COL4A6: variants seen among roughly 807,000 people sequenced by gnomAD.
COL4A6 encodes collagen type IV alpha 6 chain, also known as collagen alpha-6(IV) chain.
COL4A6 carries 59 observed loss-of-function variants against 126.7 expected under a neutral mutation model. The ratio of observed to expected loss-of-function variants is 0.47; its 90% confidence interval spans 0.38 to 0.58. The LOEUF (loss-of-function observed/expected upper bound fraction) is 0.58. Ranked by LOEUF, COL4A6 falls within the 20% of genes least tolerant of loss-of-function variation. COL4A6 has a pLI of 0.00. For missense variants in COL4A6, 1,285 were observed against 1,337.3 expected (o/e 0.96, Z 0.61); for synonymous variants, 547 against 496.6 (o/e 1.10, Z -1.35).
chrX:108,232,283 T>C (rs1192972270), intron 3 of COL4A6, among the ~76,000 whole-genome samples: 1 of 111,963 alleles, frequency 8.9e-6, no homozygotes, highest in Admixed American at 9.5e-5. Context: ...TTCCCTTTTG[T>C]GATATTTAAT....
At chrX:108,373,242 C>G (rs1212041630) in intron 2 of COL4A6, among the ~76,000 whole-genome samples, 1 of 110,914 alleles carries the variant, frequency 9.0e-6, no homozygotes, top group East Asian at 2.8e-4. Context: ...ATTCTTCACA[C>G]AAAGGGAAAA....
intron 3 of COL4A6, among the ~76,000 whole-genome samples, chrX:108,233,165 C>T (rs1340334097): frequency 3.6e-5 from 4 of 112,104 alleles, no homozygotes; most frequent in Non-Finnish European, 7.5e-5. Context: ...TCTAGCAAAA[C>T]ACAGCTATGG....
At chrX:108,244,283 G>T (rs2148329373) in intron 3 of COL4A6, among the ~76,000 whole-genome samples, 1 of 111,327 alleles carries the variant, frequency 9.0e-6, no homozygotes, top group East Asian at 2.8e-4. Context: ...CATCAGAAAA[G>T]AATATATCTA....
chrX:108,183,854 A>T, intron 23 of COL4A6: 1 of 559,972 alleles, frequency 1.8e-6, no homozygotes, highest in South Asian at 1.0e-4. Flanking sequence ...AGCAGCCCAG[A>T]TATGCCCACC....
rs146806729 is a variant in COL4A6 at position 108,330,833 on chromosome X, T to C, written c.64-20005A>G. The stretch of plus-strand genomic sequence containing the variant: ...TCTTATATCATCACAACTATGTCAT[T>C]ACACACTGTGCACAAAGCTAAGATT... On this transcript the variant is annotated intron_variant, in intron 2 of 44. Coordinates refer to ENST00000334504, the MANE Select transcript of COL4A6 (RefSeq NM_033641.4). Among the ~76,000 whole-genome samples the C allele has an allele frequency of 8.9e-3, 995 of 111,487 alleles. 7 individuals carry two copies. The highest frequency in any genetic ancestry group is 0.015 in the Non-Finnish European group (776 of 53,012).
rs2033721080 is a variant in COL4A6, at chrX:108,155,937, T to C, written c.*1063A>G. ...AAGAGTGTGCTAGATTTTTATGAGG[T>C]TTAAAAAAACATATTAAAATAGTTT... On this transcript the variant is annotated 3_prime_UTR_variant, in exon 45 of 45. Coordinates refer to ENST00000334504, the MANE Select transcript of COL4A6 (RefSeq NM_033641.4). 8.9e-6 allele frequency: 1 copy of C among 111,770 alleles called. No individual in the cohort carries two copies. Among genetic ancestry groups the C allele is most frequent in the African/African-American group, 3.3e-5 (1 of 30,704 alleles). 9.2% of individuals were successfully genotyped at this position (111,770 alleles called of 1,213,427 possible). A position where few individuals can be genotyped will look rare whatever the true frequency, so the allele number is the denominator to read the frequency against.
At chrX:108,331,261 G>C (rs754728288) in intron 2 of COL4A6, among the ~76,000 whole-genome samples, 26 of 111,801 alleles carry the variant, frequency 2.3e-4, no homozygotes, top group Non-Finnish European at 4.1e-4. Flanking sequence ...TTGTGTGTGT[G>C]TATGTACACT....
At chrX:108,191,631 A>G in intron 18 of COL4A6, 98 bp from the exon 19 acceptor site, 1 of 1,005,699 alleles carries the variant, frequency 9.9e-7, no homozygotes, top group Non-Finnish European at 1.3e-6. Flanking sequence ...CCAAGGAAGA[A>G]TTTAGGGAAG....
chrX:108,360,780 C>G (rs766329820), intron 2 of COL4A6, among the ~76,000 whole-genome samples: 116 of 110,916 alleles, frequency 1.0e-3, no homozygotes, highest in African/African-American at 3.3e-3. Flanking sequence ...TCGTGATCTG[C>G]CCACCTCGGC....
intron 23 of COL4A6, among the ~76,000 whole-genome samples, chrX:108,183,516 G>A (rs2034750842): frequency 9.0e-6 from 1 of 111,468 alleles, no homozygotes; most frequent in Admixed American, 9.6e-5. Context: ...ATCCCGTACT[G>A]CCTGCTGTAA....
chrX:108,429,954 C>G (rs780849457), intron 2 of COL4A6, among the ~76,000 whole-genome samples: 9 of 111,729 alleles, frequency 8.1e-5, no homozygotes, highest in Non-Finnish European at 1.1e-4. Flanking sequence ...AAAGTCATCT[C>G]TTGATCACCT....
intron 3 of COL4A6, among the ~76,000 whole-genome samples, chrX:108,225,772 G>A (rs2036150769): frequency 8.9e-6 from 1 of 112,725 alleles, no homozygotes; most frequent in Non-Finnish European, 1.9e-5. Flanking sequence ...TGGTGGAGGG[G>A]GCTGACTTTT....
At chrX:108,318,359 G>A (rs899355888) in intron 2 of COL4A6, among the ~76,000 whole-genome samples, 1 of 111,396 alleles carries the variant, frequency 9.0e-6, no homozygotes, top group African/African-American at 3.3e-5. Context: ...ACATAGTGTT[G>A]GAAGTTCTGG....
At chrX:108,403,272 CTCTCTCTCTCA>C (rs2041133534) in intron 2 of COL4A6, among the ~76,000 whole-genome samples, 7 of 56,677 alleles carry the variant, frequency 1.2e-4, no homozygotes, top group East Asian at 3.7e-4. Flanking sequence ...CTCTCTCTCT[CTCTCTCTCTCA>C]TCTTGTTTTG....
At chrX:108,203,703 G>A (rs1336053029) in intron 12 of COL4A6, among the ~76,000 whole-genome samples, 5 of 112,471 alleles carry the variant, frequency 4.4e-5, no homozygotes. Flanking sequence ...AACAGTACAC[G>A]GCCATTCAAT....
intron 2 of COL4A6, among the ~76,000 whole-genome samples, chrX:108,315,875 C>CT (rs1241347890): frequency 8.9e-6 from 1 of 112,086 alleles, no homozygotes; most frequent in Non-Finnish European, 1.9e-5. Context: ...CTCTGCAGCC[C>CT]TGTCACAGCA....
chrX:108,275,364 G>A (rs1213449987), intron 3 of COL4A6, among the ~76,000 whole-genome samples: 1 of 111,952 alleles, frequency 8.9e-6, no homozygotes, highest in Non-Finnish European at 1.9e-5. Flanking sequence ...TTCAAGACAA[G>A]CCAAGTACCC....
intron 2 of COL4A6, among the ~76,000 whole-genome samples, chrX:108,367,201 C>T (rs990944603): frequency 8.9e-6 from 1 of 111,944 alleles, no homozygotes; most frequent in Admixed American, 9.5e-5. Flanking sequence ...GCTGTGTGGC[C>T]TTGGGCTAGT....
At chrX:108,350,800 A>C (rs1232418828) in intron 2 of COL4A6, among the ~76,000 whole-genome samples, 1 of 111,290 alleles carries the variant, frequency 9.0e-6, no homozygotes, top group Non-Finnish European at 1.9e-5. Context: ...TGGTTCCTGA[A>C]AAATAAATGA....
Sources: gnomAD v4.1 joint callset for allele counts (sites outside exome capture counted in the v4.1 genomes callset) on GRCh38, gnomAD v4.1.1 for gene constraint, MANE v1.5 for transcripts, NCBI Gene and HGNC (gene_info 2026-07-23, HGNC 2026-07-21) for gene names.